SPRY3: variants seen among roughly 807,000 people sequenced by gnomAD.
SPRY3 encodes protein sprouty homolog 3.
Under a neutral mutation model 20.2 loss-of-function variants are expected in SPRY3, and 15 were observed. That is an observed-to-expected ratio of 0.74 (90% CI 0.50 to 1.14). The LOEUF (loss-of-function observed/expected upper bound fraction) is 1.14, where lower values mean the gene tolerates loss of function less well. Among genes scored for constraint, SPRY3 ranks in the 50% most tolerant of loss-of-function variants. The pLI, the probability that SPRY3 is intolerant of heterozygous loss-of-function variation, is 0.00. For missense variants in SPRY3, 364 were observed against 363.9 expected, an observed-to-expected ratio of 1.00 and a Z score of 0.00; for synonymous variants, 143 against 136.5, an observed-to-expected ratio of 1.05 and a Z score of -0.33.
intron 1 of SPRY3, among the ~76,000 whole-genome samples, chrX:155,655,145 G>A (rs1419438707): frequency 9.0e-6 from 1 of 111,334 alleles, no homozygotes; most frequent in Admixed American, 9.5e-5. Context: ...TCATATATTT[G>A]TTGGCTGTAC....
intron 2 of SPRY3, among the ~76,000 whole-genome samples, chrX:155,716,981 A>AAAAT (rs1206891749): frequency 1.6e-5 from 1 of 63,500 alleles, no homozygotes; most frequent in Non-Finnish European, 2.9e-5. Context: ...TAAAATACAA[A>AAAAT]ATATATATAT....
intron 1 of SPRY3, among the ~76,000 whole-genome samples, chrX:155,622,078 A>C (rs1248740347): frequency 3.6e-5 from 4 of 111,806 alleles, no homozygotes; most frequent in Admixed American, 9.5e-5. Context: ...AGCAATTTCA[A>C]ACCAACACCT....
intron 2 of SPRY3, among the ~76,000 whole-genome samples, chrX:155,746,521 G>C (rs1356117972): frequency 6.6e-6 from 1 of 151,944 alleles, no homozygotes; most frequent in Non-Finnish European, 1.5e-5. Flanking sequence ...ATTTTCAACA[G>C]TAACCTAAAT....
chrX:155,737,727 A>C (rs1480027600), intron 2 of SPRY3, among the ~76,000 whole-genome samples: 1 of 152,122 alleles, frequency 6.6e-6, no homozygotes, highest in African/African-American at 2.4e-5. Context: ...CAAAAATAAG[A>C]CTGGAGAGGA....
intron 2 of SPRY3, among the ~76,000 whole-genome samples, chrX:155,746,230 T>G (rs933556512): frequency 3.3e-5 from 5 of 152,084 alleles, no homozygotes; most frequent in Non-Finnish European, 5.9e-5. Flanking sequence ...TAAATATTAA[T>G]AATCTTTTAC....
At chrX:155,638,328 A>AAAG (rs2067930654) in intron 1 of SPRY3, among the ~76,000 whole-genome samples, 2 of 1,718 alleles carry the variant, frequency 1.2e-3, no homozygotes, top group South Asian at 0.067. Flanking sequence ...ATATATATAT[A>AAAG]TATATATATA....
intron 1 of SPRY3, among the ~76,000 whole-genome samples, chrX:155,613,666 C>T (rs1557348593): frequency 9.0e-6 from 1 of 111,727 alleles, no homozygotes; most frequent in African/African-American, 3.3e-5. Context: ...ACATCTTTGC[C>T]CTGGAATTCC....
At chrX:155,673,927 A>G (rs1268708715) in intron 2 of SPRY3, among the ~76,000 whole-genome samples, 1 of 111,494 alleles carries the variant, frequency 9.0e-6, no homozygotes, top group Non-Finnish European at 1.9e-5. Context: ...GTCAAATTCC[A>G]CAGTGGCTAT....
At chrX:155,763,601 A>C (rs2091312942) in intron 2 of SPRY3, among the ~76,000 whole-genome samples, 1 of 152,120 alleles carries the variant, frequency 6.6e-6, no homozygotes. Flanking sequence ...TATATATTCC[A>C]ATCCTCTCTT....
intron 2 of SPRY3, among the ~76,000 whole-genome samples, chrX:155,710,847 A>G (rs990016368): frequency 6.6e-6 from 1 of 151,416 alleles, no homozygotes. Flanking sequence ...CTATATACCT[A>G]GGTTTTTTTA....
chrX:155,699,045 A>T (rs2068127808), intron 2 of SPRY3, among the ~76,000 whole-genome samples: 1 of 112,372 alleles, frequency 8.9e-6, no homozygotes, highest in Admixed American at 9.4e-5. Flanking sequence ...TTGTATTGGA[A>T]TCCCTAGCCA....
chrX:155,694,971 G>A (rs1159867244), intron 2 of SPRY3, among the ~76,000 whole-genome samples: 1 of 111,474 alleles, frequency 9.0e-6, no homozygotes, highest in Non-Finnish European at 1.9e-5. Flanking sequence ...GTGGCCCAGG[G>A]ATTGGGGACC....
At position 155,646,626 on chromosome X, in the gene SPRY3, T is replaced by G. The variant is rs782673193; in HGVS notation, c.-440-10241T>G. Among the ~76,000 whole-genome samples the G allele has an allele frequency of 1.1e-4, 12 of 111,876 alleles. No homozygotes were observed. The South Asian group carries it at 4.4e-3, about 41-fold the overall frequency. ...TTAGTGTGTAGAAATGTAACTTTTT[T>G]GTTTATTGATTTTGTATCCTGCAAC... On this transcript the variant is annotated intron_variant, in intron 1 of 3. Coordinates refer to ENST00000675360, the Ensembl canonical transcript of SPRY3.
exon 4 of SPRY3, chrX:155,776,659 G>C (rs2091428252): frequency 6.0e-6 from 1 of 167,084 alleles, no homozygotes; most frequent in Non-Finnish European, 1.5e-5. Flanking sequence ...AAGACCTCCA[G>C]ACTCTAACTT....
chrX:155,744,569 A>G (rs2091217260), intron 2 of SPRY3, among the ~76,000 whole-genome samples: 1 of 152,102 alleles, frequency 6.6e-6, no homozygotes, highest in South Asian at 2.1e-4. Context: ...TGTTTCTTTC[A>G]GTGTCATGCT....
chrX:155,758,830 G>T (rs1368693722), intron 2 of SPRY3, among the ~76,000 whole-genome samples: 1 of 152,106 alleles, frequency 6.6e-6, no homozygotes, highest in Non-Finnish European at 1.5e-5. Flanking sequence ...CATAAAGTTG[G>T]TTCTTTATGT....
chrX:155,721,977 A>G (rs2091062058), intron 2 of SPRY3, among the ~76,000 whole-genome samples: 1 of 152,044 alleles, frequency 6.6e-6, no homozygotes, highest in African/African-American at 2.4e-5. Flanking sequence ...TAAATGATGG[A>G]CCAATCAAAA....
intron 1 of SPRY3, among the ~76,000 whole-genome samples, chrX:155,652,571 C>G (rs1394949892): frequency 8.9e-6 from 1 of 111,936 alleles, no homozygotes; most frequent in South Asian, 3.7e-4. Context: ...CTTTTTATGG[C>G]TGAATAGTAT....
chrX:155,740,310 A>G (rs749039081), intron 2 of SPRY3, among the ~76,000 whole-genome samples: 3 of 152,282 alleles, frequency 2.0e-5, no homozygotes, highest in Admixed American at 1.3e-4. Flanking sequence ...CAGCAATTTT[A>G]GGGAGCAAGG....
Sources: allele counts gnomAD v4.1 joint callset (sites outside exome capture counted in the v4.1 genomes callset), GRCh38; gene constraint gnomAD v4.1.1; transcripts MANE v1.5; gene names NCBI Gene and HGNC (gene_info 2026-07-23, HGNC 2026-07-21).